The following RCAN2 variants were observed in gnomAD, a reference collection of about 807,000 sequenced individuals.
RCAN2 encodes calcipressin-2.
RCAN2 carries 9 observed loss-of-function variants against 23.6 expected under a neutral mutation model. That is an observed-to-expected ratio of 0.38 (90% confidence interval 0.23 to 0.67). The LOEUF (loss-of-function observed/expected upper bound fraction) is 0.67, where lower values mean the gene tolerates loss of function less well. RCAN2 is among the 30% of genes least tolerant of loss of function. RCAN2 has a pLI of 0.51. For missense variants in RCAN2, 273 were observed against 302.3 expected (o/e 0.90, Z 0.72); for synonymous variants, 109 against 115.7 (o/e 0.94, Z 0.37).
intron 2 of RCAN2, among the ~76,000 whole-genome samples, chr6:46,432,180 C>T (rs1404963933): frequency 6.6e-6 from 1 of 151,996 alleles, no homozygotes; most frequent in Non-Finnish European, 1.5e-5. Flanking sequence ...TTTGTGTAAG[C>T]TTTAGTGTTT....
At chr6:46,315,887 G>C (rs1561855697) in intron 2 of RCAN2, among the ~76,000 whole-genome samples, 2 of 152,074 alleles carry the variant, frequency 1.3e-5, no homozygotes, top group African/African-American at 4.8e-5. Context: ...CACTTATCTA[G>C]AGAGGTTTGG....
In RCAN2 at chr6:46,398,911, AAT is replaced by A. The variant is rs60915055; in HGVS notation, c.225+57839_225+57840del. On this transcript the variant is annotated intron_variant, in intron 2 of 4. Transcript: ENST00000371374. Reference sequence around the variant, plus strand: ...TGTAAATTTGTTTTGGTCTTTTATAAATATATATATATATACATATATATACA... The same window carrying A: ...TGTAAATTTGTTTTGGTCTTTTATAAATATATATATATACATATATATACA... 6.5e-3 allele frequency among the ~76,000 whole-genome samples: 974 copies of A among 149,072 alleles called. 9 individuals are homozygous for A. The highest frequency in any genetic ancestry group is 0.021 in the African/African-American group (837 of 40,816).
intron 2 of RCAN2, among the ~76,000 whole-genome samples, chr6:46,375,251 C>G (rs1765427157): frequency 6.6e-6 from 1 of 152,172 alleles, no homozygotes; most frequent in Admixed American, 6.5e-5. Flanking sequence ...GGGCAACTCG[C>G]AGTGTGAAGT....
chr6:46,336,517 T>C (rs1764150847), intron 2 of RCAN2, among the ~76,000 whole-genome samples: 2 of 152,200 alleles, frequency 1.3e-5, no homozygotes, highest in African/African-American at 2.4e-5. Context: ...CAAAGCCTTG[T>C]AGGCAAGGAT....
intron 2 of RCAN2, among the ~76,000 whole-genome samples, chr6:46,324,022 G>A (rs1763708331): frequency 6.6e-6 from 1 of 152,238 alleles, no homozygotes; most frequent in Non-Finnish European, 1.5e-5. Flanking sequence ...TTATGTTCCA[G>A]TGGTTACTGG....
chr6:46,460,350 C>G (rs1768172240), intron 1 of RCAN2, among the ~76,000 whole-genome samples: 1 of 152,252 alleles, frequency 6.6e-6, no homozygotes, highest in Non-Finnish European at 1.5e-5. Context: ...ATGTCAGACA[C>G]TGTGCCCAGC....
At chr6:46,352,928 AAGG>A (rs1479392889) in intron 2 of RCAN2, among the ~76,000 whole-genome samples, 2 of 152,142 alleles carry the variant, frequency 1.3e-5, no homozygotes, top group East Asian at 1.9e-4. Context: ...GACCACAGAC[AAGG>A]AGGATTTAAC....
At chr6:46,369,610 T>G (rs1206999658) in intron 2 of RCAN2, among the ~76,000 whole-genome samples, 1 of 152,134 alleles carries the variant, frequency 6.6e-6, no homozygotes, top group Non-Finnish European at 1.5e-5. Context: ...TAAAATGTCA[T>G]TATGGAGCAC....
At chr6:46,442,555 A>G (rs1767580040) in intron 2 of RCAN2, among the ~76,000 whole-genome samples, 1 of 152,266 alleles carries the variant, frequency 6.6e-6, no homozygotes, top group Non-Finnish European at 1.5e-5. Context: ...AGCAGCTCTG[A>G]TGGAAACCAT....
At chr6:46,479,275 C>T (rs1446838521) in intron 1 of RCAN2, among the ~76,000 whole-genome samples, 1 of 152,166 alleles carries the variant, frequency 6.6e-6, no homozygotes, top group Non-Finnish European at 1.5e-5. Flanking sequence ...ATTTAGAATG[C>T]TTCCTTTCCC....
chr6:46,392,533 C>T (rs1417620069), intron 2 of RCAN2, among the ~76,000 whole-genome samples: 1 of 152,102 alleles, frequency 6.6e-6, no homozygotes, highest in African/African-American at 2.4e-5. Context: ...GAACCTAACA[C>T]TTAATGGAGG....
At chr6:46,454,870 C>G (rs1196311418) in intron 2 of RCAN2, among the ~76,000 whole-genome samples, 1 of 152,204 alleles carries the variant, frequency 6.6e-6, no homozygotes, top group Non-Finnish European at 1.5e-5. Flanking sequence ...CAGCCCCTGT[C>G]CTTCTATGTC....
chr6:46,375,894 C>A (rs1439563426), intron 2 of RCAN2, among the ~76,000 whole-genome samples: 3 of 152,156 alleles, frequency 2.0e-5, no homozygotes, highest in Non-Finnish European at 2.9e-5. Flanking sequence ...AATATAAAAA[C>A]CAATCTTAGC....
At chr6:46,402,966 ATTT>A (rs58163048) in intron 2 of RCAN2, among the ~76,000 whole-genome samples, 3 of 143,432 alleles carry the variant, frequency 2.1e-5, no homozygotes, top group African/African-American at 5.1e-5. Flanking sequence ...CTACATTTGA[ATTT>A]TTTTTTTTTT....
At chr6:46,249,189 G>C (rs968759965) in intron 2 of RCAN2, among the ~76,000 whole-genome samples, 1 of 151,588 alleles carries the variant, frequency 6.6e-6, no homozygotes, top group African/African-American at 2.4e-5. Flanking sequence ...AGAGGAGAGG[G>C]ATCATAATGA....
In RCAN2 at chr6:46,444,127, T is replaced by C. The variant is rs934461104; in HGVS notation, c.225+12625A>G. Among the ~76,000 whole-genome samples, 3 of 152,038 alleles carry C rather than the reference T, an allele frequency of 2.0e-5. No homozygotes were observed. In the East Asian group the frequency reaches 5.8e-4, roughly 30 times the overall value. ...GGGCTTCAGGGTCTAGAGAAGAAAA[T>C]GTAAATGGAGAAAAGGAAAATATGT... On this transcript the variant is annotated intron_variant, in intron 2 of 4. Coordinates refer to ENST00000371374, the MANE Select transcript of RCAN2 (RefSeq NM_001251974.2).
At chr6:46,397,372 AACACACAC>A (rs58494804) in intron 2 of RCAN2, among the ~76,000 whole-genome samples, 30 of 146,240 alleles carry the variant, frequency 2.1e-4, no homozygotes, top group Non-Finnish European at 3.5e-4. Context: ...ATTTCACAGA[AACACACAC>A]ACACACACAC....
intron 2 of RCAN2, among the ~76,000 whole-genome samples, chr6:46,251,691 C>G (rs770995287): frequency 6.6e-6 from 1 of 152,122 alleles, no homozygotes; most frequent in Non-Finnish European, 1.5e-5. Flanking sequence ...GCATTAGGAG[C>G]AAAGAATCAA....
intron 2 of RCAN2, among the ~76,000 whole-genome samples, chr6:46,442,098 T>G (rs1767564977): frequency 6.6e-6 from 1 of 152,146 alleles, no homozygotes; most frequent in Non-Finnish European, 1.5e-5. Flanking sequence ...GAGACTAGAT[T>G]CAAGGAAGTC....
Sources: gnomAD v4.1 joint callset for allele counts (sites outside exome capture counted in the v4.1 genomes callset) on GRCh38, gnomAD v4.1.1 for gene constraint, MANE v1.5 for transcripts, NCBI Gene and HGNC (gene_info 2026-07-23, HGNC 2026-07-21) for gene names.